The following DDX24 variants were observed in gnomAD, a reference collection of about 807,000 sequenced individuals.
The protein encoded by DDX24 is DEAD-box helicase 24, also known as ATP-dependent RNA helicase DDX24.
Under a neutral mutation model 68.9 loss-of-function variants are expected in DDX24, and 24 were observed. That is an observed-to-expected ratio of 0.35 (90% CI 0.25 to 0.49). DDX24 has a LOEUF of 0.49. Ranked by LOEUF, DDX24 falls within the 20% of genes least tolerant of loss-of-function variation. The pLI is 0.99. For synonymous variants in DDX24, 395 were observed against 385.2 expected, an observed-to-expected ratio of 1.03 and a Z score of -0.30; for missense variants, 989 against 1,039.0, an observed-to-expected ratio of 0.95 and a Z score of 0.66.
At chr14:94,069,722 A>G (rs10147595) in intron 2 of DDX24, among the ~76,000 whole-genome samples, 4,756 of 152,312 alleles carry the variant, frequency 0.031, 191 homozygotes, top group East Asian at 0.097. Flanking sequence ...CAAGTCAATA[A>G]ATGTGGTATA....
chr14:94,053,389 G>GTTTTTT (rs1885430344), intron 7 of DDX24: 2 of 263,110 alleles, frequency 7.6e-6, no homozygotes, highest in African/African-American at 1.3e-4. Flanking sequence ...TTTTTTTTTC[G>GTTTTTT]TAAAGACAGG....
chr14:94,060,620 A>G lies in DDX24; in HGVS notation c.1398-7T>C. ...CTCATCCACTACCAGGCACCTGCAG[A>G]TCCAGAGAGACCCATATCATTGGTC... On this transcript the variant is annotated splice_polypyrimidine_tract_variant and splice_region_variant and intron_variant, in intron 4 of 8. Coordinates refer to ENST00000621632, the MANE Select transcript of DDX24 (RefSeq NM_020414.4). The G allele has an allele frequency of 1.2e-6, 2 of 1,611,346 alleles. No homozygotes were observed. Among genetic ancestry groups the G allele is most frequent in the Middle Eastern group, 1.7e-4 (1 of 6,042 alleles).
chr14:94,060,006 A>G (rs761607123), intron 5 of DDX24, 92 bp downstream of exon 5: 6 of 1,446,342 alleles, frequency 4.1e-6, no homozygotes, highest in Non-Finnish European at 5.6e-6. Context: ...CTATGACAGA[A>G]GGTGGCTTTT....
At chr14:94,080,145 A>C (rs1402249737) in intron 1 of DDX24, among the ~76,000 whole-genome samples, 2 of 152,182 alleles carry the variant, frequency 1.3e-5, no homozygotes, top group Admixed American at 1.3e-4. Context: ...CGGAGGATGA[A>C]ACCTGCCACA....
At chr14:94,066,425 G>A (rs1885705817) in intron 2 of DDX24, among the ~76,000 whole-genome samples, 1 of 152,178 alleles carries the variant, frequency 6.6e-6, no homozygotes, top group African/African-American at 2.4e-5. Context: ...AGAAGACAAA[G>A]GGCATATAAT....
rs1357489480 is a variant in DDX24 at position 94,062,261 on chromosome 14, T to G, written c.1079A>C (p.Asn360Thr). The G allele has an allele frequency of 6.2e-7, 1 of 1,614,130 alleles. No homozygotes were observed. The highest frequency in any genetic ancestry group is 2.2e-5 in the East Asian group (1 of 44,870). The change falls in exon 3 of 9, where the codon AAT becomes ACT. Residue 360 changes from asparagine to threonine, a missense_variant. Transcript: ENST00000621632. Reference sequence around the variant, plus strand: ...ATTTCCAGTCTGCTCTTTATCAAGATTTTCCTCCTCATTCTCATTCTGTTT... The same window carrying G: ...ATTTCCAGTCTGCTCTTTATCAAGAGTTTCCTCCTCATTCTCATTCTGTTT... ...VPKQNENEEENLDKEQTGNLK... is the reference protein window; with the variant it reads ...VPKQNENEEETLDKEQTGNLK...
chr14:94,055,184 C>T lies in DDX24; in HGVS notation c.1990G>A (p.Val664Ile), dbSNP rs897721611. The stretch of plus-strand genomic sequence containing the variant: ...ACATAAATCTCCGAGGTACGTGGGA[C>T]CTGCCACAGGAAGAACTGGGAGATC... ...PKVQHVIHYQ[V>I]PRTSEIYVHR... The change falls in exon 7 of 9, where the codon GTC becomes ATC. Residue 664 changes from valine to isoleucine, a missense_variant and splice_region_variant. By Grantham distance (29) the Val-to-Ile change is conservative. This residue lies in a region of DDX24 where 691 missense variants were observed against 760.0 expected (regional missense o/e 0.91). Transcript: ENST00000621632. The T allele has an allele frequency of 6.2e-7, 1 of 1,611,652 alleles. No homozygotes were observed. Among genetic ancestry groups the T allele is most frequent in the Non-Finnish European group, 8.5e-7 (1 of 1,178,268 alleles).
At chr14:94,073,273 G>A (rs965297034) in intron 2 of DDX24, among the ~76,000 whole-genome samples, 11 of 151,908 alleles carry the variant, frequency 7.2e-5, no homozygotes, top group Non-Finnish European at 1.2e-4. Flanking sequence ...TTTTAGTAGA[G>A]ACAGTTTCGC....
chr14:94,081,066 G>C (rs760457804), intron 1 of DDX24, 53 bp downstream of exon 1: 2 of 152,252 alleles, frequency 1.3e-5, no homozygotes, highest in Non-Finnish European at 2.9e-5. Flanking sequence ...CCGGGTTCCT[G>C]GCCTCAGCCC....
intron 4 of DDX24, 38 bp from the exon 5 acceptor site, chr14:94,060,651 C>T (rs368228924): frequency 1.1e-4 from 172 of 1,596,794 alleles, no homozygotes; most frequent in Admixed American, 1.4e-4. Flanking sequence ...TGGTCAGCAG[C>T]GGGTTAAGAG....
chr14:94,058,272 A>G (rs774622922), intron 5 of DDX24, among the ~76,000 whole-genome samples: 1 of 152,052 alleles, frequency 6.6e-6, no homozygotes. Flanking sequence ...CTCTTCCCCA[A>G]ACAAACCAAG....
Position 94,060,826 on chromosome 14 carries a change from TGAG to T in DDX24, c.1397+84_1397+86del, listed in dbSNP as rs1567058882. The T allele has an allele frequency of 4.5e-6, 7 of 1,555,620 alleles. No individual in the cohort carries two copies. In the South Asian group the frequency reaches 4.9e-5, roughly 11 times the overall value. On this transcript the variant is annotated intron_variant, in intron 4 of 8. Transcript: ENST00000621632. ...GATACCACACCATAGCATTCTGCGA[TGAG>T]AAGAAGGCATTGCCCACACCATGTC...
At chr14:94,067,673 C>T (rs1027788958) in intron 2 of DDX24, among the ~76,000 whole-genome samples, 2 of 152,138 alleles carry the variant, frequency 1.3e-5, no homozygotes, top group African/African-American at 4.8e-5. Flanking sequence ...GGACTGGGGC[C>T]CTATCTTCAA....
At chr14:94,077,677 A>C (rs1380005797) in intron 2 of DDX24, among the ~76,000 whole-genome samples, 1 of 152,200 alleles carries the variant, frequency 6.6e-6, no homozygotes, top group Non-Finnish European at 1.5e-5. Context: ...AAATGTTCTA[A>C]GTTATTATCT....
chr14:94,073,513 TA>T (rs1034799409), intron 2 of DDX24, among the ~76,000 whole-genome samples: 1 of 152,138 alleles, frequency 6.6e-6, no homozygotes, highest in Non-Finnish European at 1.5e-5. Flanking sequence ...CATACCATGC[TA>T]ACCCCTTAAT....
Position 94,067,832 on chromosome 14 carries a change from G to T in DDX24, c.719-5211C>A, listed in dbSNP as rs4905152. 3.9e-5 allele frequency among the ~76,000 whole-genome samples: 6 copies of T among 151,906 alleles called. No individual in the cohort carries two copies. In the South Asian group the frequency reaches 8.3e-4, roughly 21 times the overall value. On this transcript the variant is annotated intron_variant, in intron 2 of 8. Coordinates refer to ENST00000621632, the MANE Select transcript of DDX24 (RefSeq NM_020414.4). Reference sequence around the variant, plus strand: ...GCCACCACTACAAGAACTGCTAAAAGGAGCTCTAAATCTTGAAACAAACCC... The same window carrying T: ...GCCACCACTACAAGAACTGCTAAAATGAGCTCTAAATCTTGAAACAAACCC...
In DDX24 at chr14:94,079,250, G is replaced by C; in HGVS notation, c.493C>G (p.Pro165Ala). The change falls in exon 2 of 9, where the codon CCT becomes GCT. Residue 165 changes from proline (P) to alanine (A), a missense_variant. This residue lies in a region of DDX24 where 295 missense variants were observed against 263.0 expected (regional missense o/e 1.12). Coordinates refer to ENST00000621632, the MANE Select transcript of DDX24 (RefSeq NM_020414.4). Reference protein sequence around the residue: ...KKNKGKKGLEPSQSTAAKVPK... With the variant: ...KKNKGKKGLEASQSTAAKVPK... ...ACCTTGGCAGCAGTGCTCTGAGAAGGCTCCAACCCTTTTTTCCCTTTATTT... is the reference window on the plus strand; with the variant it reads ...ACCTTGGCAGCAGTGCTCTGAGAAGCCTCCAACCCTTTTTTCCCTTTATTT... 6.2e-7 allele frequency: 1 copy of C among 1,614,148 alleles called. No homozygotes were observed. Among genetic ancestry groups the C allele is most frequent in the Middle Eastern group, 1.6e-4 (1 of 6,062 alleles).
In DDX24 at chr14:94,060,399, G is replaced by C; in HGVS notation, c.1612C>G (p.Leu538Val). 1 of 1,614,208 alleles carries C rather than the reference G, an allele frequency of 6.2e-7. No individual in the cohort carries two copies. The highest frequency in any genetic ancestry group is 8.5e-7 in the Non-Finnish European group (1 of 1,180,044). ...CCCCTCATGCCAATTTTCTGCATAA[G>C]GAGGTCAAGTTTGGCTGTTTTATCC... Reference protein sequence around the residue: ...KMDKTAKLDLLMQKIGMRGKP... With the variant: ...KMDKTAKLDLVMQKIGMRGKP... Residue 538 changes from leucine to valine, a missense_variant, in exon 5 of 9, where the codon CTT (leucine) becomes GTT (valine). Leu to Val is a conservative substitution (Grantham distance 32). Around this residue, in one of 3 missense-constraint regions of DDX24, gnomAD observed 691 missense variants for 760.0 expected, o/e 0.91. Transcript: ENST00000621632.
chr14:94,051,799 C>T (rs1011946784), intron 8 of DDX24: 6 of 253,832 alleles, frequency 2.4e-5, no homozygotes, highest in South Asian at 1.7e-4. Context: ...ACCCAAGTCT[C>T]CTGACTGAAG....
Sources: gnomAD v4.1 joint callset for allele counts (sites outside exome capture counted in the v4.1 genomes callset) on GRCh38, gnomAD v4.1.1 for gene constraint, gnomAD v4.1.1 regional missense constraint, MANE v1.5 for transcripts, NCBI Gene and HGNC (gene_info 2026-07-23, HGNC 2026-07-21) for gene names.